Variants in NCS1 observed in about 807,000 individuals in gnomAD.
The protein encoded by NCS1 is frequenin homolog.
In NCS1, 6 loss-of-function variants were observed where a neutral mutation model predicts 28.4. The ratio of observed to expected loss-of-function variants is 0.21; its 90% CI spans 0.12 to 0.42. The LOEUF is 0.42. NCS1 is among the 10% of genes least tolerant of loss of function. The probability of loss-of-function intolerance (pLI) is 1.00; values close to 1 mark genes in which losing one functional copy is unlikely to be tolerated. For missense variants in NCS1, 131 were observed against 241.4 expected (o/e 0.54, Z 3.03); for synonymous variants, 86 against 99.3 (o/e 0.87, Z 0.79).
rs1833349454 is a variant in NCS1 at position 130,222,693 on chromosome 9, C to T, written c.351C>T (p.Thr117=). The T allele has an allele frequency of 6.2e-7, 1 of 1,614,028 alleles. No individual in the cohort carries two copies. Among genetic ancestry groups the T allele is most frequent in the Non-Finnish European group, 8.5e-7 (1 of 1,180,010 alleles). ...ACTTGGACAATGATGGCTACATCAC[C>T]AGGAATGAGATGCTGGACATTGTGG... ...LYDLDNDGYI[T]RNEMLDIVDA... is the part of the protein sequence containing the mutation. Residue 117 remains threonine, a synonymous_variant, in exon 5 of 8, where the codon ACC becomes ACT. Coordinates refer to ENST00000372398, the MANE Select transcript of NCS1 (RefSeq NM_014286.4).
At chr9:130,212,724 G>A (rs1234976908) in intron 2 of NCS1, among the ~76,000 whole-genome samples, 1 of 151,756 alleles carries the variant, frequency 6.6e-6, no homozygotes, top group Admixed American at 6.6e-5. Context: ...AGGAGTGGGG[G>A]ATGGAGTCAC....
In NCS1 at chr9:130,219,375, C is replaced by G. The variant is rs1554909880; in HGVS notation, c.229-350C>G. 1.3e-5 allele frequency among the ~76,000 whole-genome samples: 2 copies of G among 152,184 alleles called. No homozygotes were observed. Among genetic ancestry groups the G allele is most frequent in the African/African-American group, 2.4e-5 (1 of 41,426 alleles). ...TGCAAAAGCCCATGAGCCCACAGCTCTAGGCCGAGGGGCTTCCGGGCTGTT... is the reference window on the plus strand; with the variant it reads ...TGCAAAAGCCCATGAGCCCACAGCTGTAGGCCGAGGGGCTTCCGGGCTGTT... On this transcript the variant is annotated intron_variant, in intron 3 of 7. Transcript: ENST00000372398. This position sits in a 1 kb window ranked among gnomAD's most constrained non-coding sequence, Gnocchi z 5.7.
In NCS1 at chr9:130,209,600, G is replaced by A. The variant is rs1346598532; in HGVS notation, c.90-8232G>A. Among the ~76,000 whole-genome samples, 2 of 152,198 alleles carry A rather than the reference G, an allele frequency of 1.3e-5. No individual in the cohort carries two copies. Among genetic ancestry groups the A allele is most frequent in the Non-Finnish European group, 2.9e-5 (2 of 68,038 alleles). On this transcript the variant is annotated intron_variant, in intron 2 of 7. Transcript: ENST00000372398. This position sits in a 1 kb window ranked among gnomAD's most constrained non-coding sequence, Gnocchi z 4.4. Reference sequence around the variant, plus strand: ...AGGTGCTTGGAGTCTCCTGGTGGACGAGGGCATTCACCCAGCCTGGCGCCG... The same window carrying A: ...AGGTGCTTGGAGTCTCCTGGTGGACAAGGGCATTCACCCAGCCTGGCGCCG...
At position 130,181,843 on chromosome 9, in the gene NCS1, G is replaced by A. The variant is rs1428285641; in HGVS notation, c.64+9116G>A. Among the ~76,000 whole-genome samples the A allele has an allele frequency of 6.6e-6, 1 of 152,138 alleles. No homozygotes were observed. Among genetic ancestry groups the A allele is most frequent in the Non-Finnish European group, 1.5e-5 (1 of 68,008 alleles). On this transcript the variant is annotated intron_variant, in intron 1 of 7. Coordinates refer to ENST00000372398, the MANE Select transcript of NCS1 (RefSeq NM_014286.4). This position sits in a 1 kb window ranked among gnomAD's most constrained non-coding sequence, Gnocchi z 5.0. The stretch of plus-strand genomic sequence containing the variant: ...CGGGGTCATGGCGTGTGTCAGGAGT[G>A]GGTGAGCCGGGCACTCCTGTGCGCA...
At chr9:130,223,873 C>T (rs1169714907) in intron 6 of NCS1, among the ~76,000 whole-genome samples, 4 of 151,920 alleles carry the variant, frequency 2.6e-5, no homozygotes, top group African/African-American at 4.8e-5. Context: ...ACAGAATCTT[C>T]GCCCTGTCAC....
chr9:130,226,238 G>A lies in NCS1; in HGVS notation c.475-151G>A. Reference sequence around the variant, plus strand: ...CACCCTGCCATGAGTGCCGAGGTCTGTCTGGTGCTGGCTGCTTGTAGGCCC... The same window carrying A: ...CACCCTGCCATGAGTGCCGAGGTCTATCTGGTGCTGGCTGCTTGTAGGCCC... On this transcript the variant is annotated intron_variant, in intron 6 of 7. Transcript: ENST00000372398. The surrounding 1 kb of genome is among the most constrained non-coding windows in gnomAD (Gnocchi z 4.8). 1 of 696,894 alleles carries A rather than the reference G, an allele frequency of 1.4e-6. No individual in the cohort carries two copies. Among genetic ancestry groups the A allele is most frequent in the Non-Finnish European group, 2.6e-6 (1 of 386,204 alleles). 43.2% of individuals were successfully genotyped at this position (696,894 alleles called of 1,614,324 possible).
chr9:130,174,597 G>C (rs375666070), intron 1 of NCS1, among the ~76,000 whole-genome samples: 1 of 152,268 alleles, frequency 6.6e-6, no homozygotes, highest in South Asian at 2.1e-4. Context: ...CACTTTGGGA[G>C]GCCGAGGCGG....
At chr9:130,183,311 G>GA (rs1343886092) in intron 1 of NCS1, among the ~76,000 whole-genome samples, 2 of 151,994 alleles carry the variant, frequency 1.3e-5, no homozygotes, top group Non-Finnish European at 2.9e-5. Context: ...GCGGCTGGGG[G>GA]GGGGAGCTCC....
chr9:130,227,388 C>A (rs1484120409), intron 7 of NCS1, among the ~76,000 whole-genome samples: 4 of 152,194 alleles, frequency 2.6e-5, no homozygotes, highest in African/African-American at 9.7e-5. Context: ...CCTGGTGAAC[C>A]AGTGGATGCC....
In NCS1 at chr9:130,183,103, A is replaced by G. The variant is rs1481700720; in HGVS notation, c.64+10376A>G. Among the ~76,000 whole-genome samples, 3 of 152,210 alleles carry G rather than the reference A, an allele frequency of 2.0e-5. No homozygotes were observed. In the East Asian group the frequency reaches 5.8e-4, roughly 29 times the overall value. ...CTGTGGTTTGCTCTCCCTGGTGACC[A>G]GGACAGGACCTGCCTGTGCTCCTGA... On this transcript the variant is annotated intron_variant, in intron 1 of 7. Transcript: ENST00000372398.
chr9:130,212,678 A>T (rs1588120633), intron 2 of NCS1, among the ~76,000 whole-genome samples: 1 of 150,130 alleles, frequency 6.7e-6, no homozygotes, highest in African/African-American at 2.5e-5. Flanking sequence ...GACTGGCAGG[A>T]GGGGAGGGAG....
At chr9:130,210,803 TAAAAAG>T (rs1449006499) in intron 2 of NCS1, among the ~76,000 whole-genome samples, 1 of 151,042 alleles carries the variant, frequency 6.6e-6, no homozygotes, top group African/African-American at 2.4e-5. Context: ...TTCTTAAACT[TAAAAAG>T]AAAAAAAATT....
chr9:130,232,550 A>G lies in NCS1; in HGVS notation c.*18-440A>G, dbSNP rs1833512552. On this transcript the variant is annotated intron_variant, in intron 7 of 7. Transcript: ENST00000372398. The surrounding 1 kb of genome is among the most constrained non-coding windows in gnomAD (Gnocchi z 4.4). The stretch of plus-strand genomic sequence containing the variant: ...GTAATCCCAGCACTTTGGGAGGCCG[A>G]GGCGGGTCTATCATGAGGTCAGGAG... Among the ~76,000 whole-genome samples, 1 of 152,184 alleles carries G rather than the reference A, an allele frequency of 6.6e-6. No individual in the cohort carries two copies. Among genetic ancestry groups the G allele is most frequent in the Non-Finnish European group, 1.5e-5 (1 of 68,026 alleles).
In NCS1 at chr9:130,174,637, C is replaced by T. The variant is rs149757172; in HGVS notation, c.64+1910C>T. 2.6e-3 allele frequency among the ~76,000 whole-genome samples: 401 copies of T among 152,150 alleles called. 4 individuals carry two copies. Among genetic ancestry groups the T allele is most frequent in the African/African-American group, 9.2e-3 (380 of 41,488 alleles). ...ACCAGCCTGACCAACGTGGAGAAAC[C>T]CCCATCTCTACTAAAAATACAAAAT... is the stretch of plus-strand genomic sequence containing the variant. On this transcript the variant is annotated intron_variant, in intron 1 of 7. Coordinates refer to ENST00000372398, the MANE Select transcript of NCS1 (RefSeq NM_014286.4).
At chr9:130,176,190 C>CTTTCTTTCTTTCTTTCTT (rs1554904629) in intron 1 of NCS1, among the ~76,000 whole-genome samples, 1 of 56,620 alleles carries the variant, frequency 1.8e-5, no homozygotes, top group Non-Finnish European at 2.8e-5. Context: ...TTCTTTCTTT[C>CTTTCTTTCTTTCTTTCTT]TTTCTTTTTT....
Position 130,181,421 on chromosome 9 carries a change from A to C in NCS1, c.64+8694A>C, listed in dbSNP as rs1427513569. On this transcript the variant is annotated intron_variant, in intron 1 of 7. Coordinates refer to ENST00000372398, the MANE Select transcript of NCS1 (RefSeq NM_014286.4). This position sits in a 1 kb window ranked among gnomAD's most constrained non-coding sequence, Gnocchi z 5.0. ...GTCAGGGGCTGTCACTGCGGTGAGA[A>C]TCTGGTATTAGGCATGTTCCGTGTG... 6.6e-6 allele frequency among the ~76,000 whole-genome samples: 1 copy of C among 152,066 alleles called. No homozygotes were observed. The highest frequency in any genetic ancestry group is 1.9e-4 in the East Asian group (1 of 5,184).
intron 2 of NCS1, among the ~76,000 whole-genome samples, chr9:130,210,693 C>T (rs1329019262): frequency 1.3e-5 from 2 of 152,042 alleles, no homozygotes; most frequent in Non-Finnish European, 2.9e-5. Context: ...ATGAGGAAAC[C>T]GAGACTCTGA....
intron 2 of NCS1, among the ~76,000 whole-genome samples, chr9:130,201,727 C>T (rs1428306804): frequency 2.6e-5 from 4 of 152,144 alleles, no homozygotes; most frequent in African/African-American, 7.2e-5. Flanking sequence ...GGGCCACTCC[C>T]TACACCTCCC....
chr9:130,229,143 T>C (rs562217874), intron 7 of NCS1, among the ~76,000 whole-genome samples: 5 of 152,262 alleles, frequency 3.3e-5, no homozygotes, highest in South Asian at 2.1e-4. Flanking sequence ...AACATTTTAG[T>C]GTCCAGAGTG....
Sources: gnomAD v4.1 joint callset for allele counts (sites outside exome capture counted in the v4.1 genomes callset) on GRCh38, gnomAD v4.1.1 for gene constraint, Gnocchi (gnomAD v3.1) non-coding constraint, MANE v1.5 for transcripts, NCBI Gene and HGNC (gene_info 2026-07-23, HGNC 2026-07-21) for gene names.